Variants in ABCA7 observed in about 807,000 individuals in gnomAD.
The protein encoded by ABCA7 is phospholipid-transporting ATPase ABCA7.
ABCA7 carries 261 observed loss-of-function variants against 227.6 expected under a neutral mutation model. That is an observed-to-expected ratio of 1.15 (90% CI 1.04 to 1.27). ABCA7 has a LOEUF of 1.27. Ranked by LOEUF, ABCA7 falls within the 50% of genes most tolerant of loss-of-function variation. The pLI is 0.00. For synonymous variants in ABCA7, 1,488 were observed against 1,279.7 expected (o/e 1.16, Z -3.47); for missense variants, 3,331 against 2,924.5 (o/e 1.14, Z -3.21).
At chr19:1,049,053 TC>T (rs762340515) in intron 17 of ABCA7, 48 bp downstream of exon 17, 8 of 1,090,014 alleles carry the variant, frequency 7.3e-6, no homozygotes, top group Admixed American at 5.1e-5. Flanking sequence ...TATGCCCAGT[TC>T]CCCCCCAAAA....
At chr19:1,058,423 G>T (rs181122945) in intron 37 of ABCA7, among the ~76,000 whole-genome samples, 154 bp downstream of exon 37, 1 of 152,190 alleles carries the variant, frequency 6.6e-6, no homozygotes, top group East Asian at 1.9e-4. Flanking sequence ...GGAGGTACAA[G>T]AAAGCAGCCA....
intron 40 of ABCA7, among the ~76,000 whole-genome samples, chr19:1,060,041 G>A (rs531328546): frequency 1.3e-5 from 2 of 152,034 alleles, no homozygotes; most frequent in African/African-American, 4.8e-5. Context: ...TCAAGCACTT[G>A]CTCACAGCCA....
chr19:1,047,403 G>T, intron 15 of ABCA7, 25 bp downstream of exon 15: 1 of 1,550,276 alleles, frequency 6.5e-7, no homozygotes. Flanking sequence ...GGGCGTGGAT[G>T]GGGGACGCCC....
chr19:1,047,388 G>C lies in ABCA7; in HGVS notation c.2067+10G>C. 1.3e-6 allele frequency: 2 copies of C among 1,559,630 alleles called. No individual in the cohort carries two copies. Among genetic ancestry groups the C allele is most frequent in the Non-Finnish European group, 1.7e-6 (2 of 1,159,024 alleles). ...TGGCCGCGTGGCCGCGGTGAGAGCC[G>C]GGTCGGGCGTGGATGGGGGACGCCC... On this transcript the variant is annotated intron_variant, in intron 15 of 46. Coordinates refer to ENST00000263094, the MANE Select transcript of ABCA7 (RefSeq NM_019112.4).
At chr19:1,048,825 AAAAC>A in intron 16 of ABCA7, 66 bp from the exon 17 acceptor site, 1 of 857,396 alleles carries the variant, frequency 1.2e-6, no homozygotes, top group African/African-American at 2.9e-5. Flanking sequence ...AAAAAAAAAC[AAAAC>A]CCCAAAAAAA....
Position 1,056,519 on chromosome 19 carries a change from A to G in ABCA7, c.4586+20A>G. 6.2e-7 allele frequency: 1 copy of G among 1,603,756 alleles called. No homozygotes were observed. Among genetic ancestry groups the G allele is most frequent in the Non-Finnish European group, 8.5e-7 (1 of 1,174,856 alleles). On this transcript the variant is annotated intron_variant, in intron 33 of 46. Coordinates refer to ENST00000263094, the MANE Select transcript of ABCA7 (RefSeq NM_019112.4). This position sits in a 1 kb window ranked among gnomAD's most constrained non-coding sequence, Gnocchi z 4.3. Reference sequence around the variant, plus strand: ...TGCACTGTGAGTCCCTCCACCCTGCATGTCCTACCCTGCACGTCCTACCCT... The same window carrying G: ...TGCACTGTGAGTCCCTCCACCCTGCGTGTCCTACCCTGCACGTCCTACCCT...
chr19:1,044,944 G>C, intron 11 of ABCA7, 58 bp from the exon 12 acceptor site: 1 of 1,581,786 alleles, frequency 6.3e-7, no homozygotes. Context: ...GGGAGGAGCG[G>C]AGTGGTCTAG....
intron 15 of ABCA7, 27 bp from the exon 16 acceptor site, chr19:1,047,426 G>C: frequency 1.3e-6 from 2 of 1,537,868 alleles, no homozygotes; most frequent in Non-Finnish European, 1.7e-6. Flanking sequence ...CGCTTCGGCC[G>C]CTCACTGACC....
chr19:1,051,525 G>T lies in ABCA7; in HGVS notation c.2901G>T (p.Thr967=). 1 of 1,612,678 alleles carries T rather than the reference G, an allele frequency of 6.2e-7. No individual in the cohort carries two copies. Among genetic ancestry groups the T allele is most frequent in the Non-Finnish European group, 8.5e-7 (1 of 1,179,930 alleles). The part of the protein sequence containing the change: ...GSQVVILDEP[T]AGVDPASRRG... ...AAGTTGTTATCCTGGACGAGCCTAC[G>T]GCTGGCGTGGATCCTGCTTCCCGCC... The change falls in exon 21 of 47, where the codon ACG becomes ACT. Residue 967 remains threonine, a synonymous_variant. Transcript: ENST00000263094.
intron 40 of ABCA7, among the ~76,000 whole-genome samples, chr19:1,061,217 C>A (rs2042630427): frequency 6.6e-6 from 1 of 150,894 alleles, no homozygotes; most frequent in African/African-American, 2.4e-5. Context: ...GCCAACATGC[C>A]AAAACCCCGT....
Position 1,056,022 on chromosome 19 carries a change from C to T in ABCA7, c.4239-44C>T, listed in dbSNP as rs1344259558. 2 of 1,558,994 alleles carry T rather than the reference C, an allele frequency of 1.3e-6. No individual in the cohort carries two copies. On this transcript the variant is annotated intron_variant, in intron 31 of 46. Coordinates refer to ENST00000263094, the MANE Select transcript of ABCA7 (RefSeq NM_019112.4). This position sits in a 1 kb window ranked among gnomAD's most constrained non-coding sequence, Gnocchi z 4.3. The stretch of plus-strand genomic sequence containing the variant: ...CTGCCCCCTGGGAGCTCTCCCGGCC[C>T]CCCCGGCCCTCAGCTCCCCTTCCCT...
chr19:1,054,812 G>A lies in ABCA7; in HGVS notation c.3884G>A (p.Arg1295Gln), dbSNP rs374965623. ...GCCCCAGGGGACCCTGGACGTGCCC[G>A]GCTGCTCGAGGCGCTGCTGCAGGAG... is the stretch of plus-strand genomic sequence containing the variant. Reference protein sequence around the residue: ...EDAPGDPGRARLLEALLQEAG... With the variant: ...EDAPGDPGRAQLLEALLQEAG... Residue 1295 changes from arginine to glutamine, a missense_variant, in exon 29 of 47, where the codon CGG becomes CAG. Transcript: ENST00000263094. The surrounding 1 kb of genome is among the most constrained non-coding windows in gnomAD (Gnocchi z 4.8). 18 of 1,580,380 alleles carry A rather than the reference G, an allele frequency of 1.1e-5. No homozygotes were observed. In the African/African-American group the frequency reaches 1.2e-4, roughly 11 times the overall value.
In ABCA7 at chr19:1,041,867, C is replaced by G; in HGVS notation, c.197C>G (p.Thr66Ser). ...AACAAGCCACTGCCATCGGCGGGCACCGTGCCCTGGCTCCAGGGTCTCATC... is the reference window on the plus strand; with the variant it reads ...AACAAGCCACTGCCATCGGCGGGCAGCGTGCCCTGGCTCCAGGGTCTCATC... Reference protein sequence around the residue: ...FPNKPLPSAGTVPWLQGLICN... With the variant: ...FPNKPLPSAGSVPWLQGLICN... The change falls in exon 4 of 47, where the codon ACC (threonine) becomes AGC (serine). Residue 66 changes from threonine (T) to serine (S), a missense_variant. Physicochemically the swap from Thr to Ser is moderately conservative, Grantham distance 58. Coordinates refer to ENST00000263094, the MANE Select transcript of ABCA7 (RefSeq NM_019112.4). 6.3e-7 allele frequency: 1 copy of G among 1,597,662 alleles called. No individual in the cohort carries two copies. The highest frequency in any genetic ancestry group is 8.5e-7 in the Non-Finnish European group (1 of 1,176,908).
chr19:1,054,747 C>T lies in ABCA7; in HGVS notation c.3852-33C>T, dbSNP rs1599676280. 1.2e-6 allele frequency: 2 copies of T among 1,606,908 alleles called. No homozygotes were observed. The highest frequency in any genetic ancestry group is 8.5e-7 in the Non-Finnish European group (1 of 1,175,418). On this transcript the variant is annotated intron_variant, in intron 28 of 46. Transcript: ENST00000263094. The surrounding 1 kb of genome is among the most constrained non-coding windows in gnomAD (Gnocchi z 4.8). ...CAGGAAGACTAGGGACCTGGGGGTACAGCCCTGACCCTACATCTCCCCTCA... is the reference window on the plus strand; with the variant it reads ...CAGGAAGACTAGGGACCTGGGGGTATAGCCCTGACCCTACATCTCCCCTCA...
chr19:1,063,963 C>T (rs2042861875), intron 44 of ABCA7, 100 bp downstream of exon 44: 5 of 1,422,540 alleles, frequency 3.5e-6, no homozygotes, highest in South Asian at 1.4e-5. Context: ...GGTCCTGGCC[C>T]TAGTGGGGCG....
intron 25 of ABCA7, 78 bp from the exon 26 acceptor site, chr19:1,053,928 G>A: frequency 1.2e-6 from 2 of 1,600,460 alleles, no homozygotes; most frequent in Non-Finnish European, 1.7e-6. Context: ...CCAAGGCATA[G>A]CCTTTACCCT....
chr19:1,043,680 C>A, intron 9 of ABCA7, 45 bp from the exon 10 acceptor site: 4 of 1,600,164 alleles, frequency 2.5e-6, no homozygotes, highest in Non-Finnish European at 3.4e-6. Context: ...GGCAGGGGTC[C>A]TCAGAGGAGG....
intron 13 of ABCA7, 103 bp downstream of exon 13, chr19:1,046,509 G>T: frequency 6.9e-7 from 1 of 1,459,806 alleles, no homozygotes; most frequent in Non-Finnish European, 9.1e-7. Flanking sequence ...TCCAGGCTGC[G>T]AACTTTGCAC....
At position 1,057,976 on chromosome 19, in the gene ABCA7, T is replaced by C. The variant is rs371036349; in HGVS notation, c.4942T>C (p.Tyr1648His). Reference sequence around the variant, plus strand: ...CTTCTTCTCCGTGCCCAGCACAGCCTATGTGGTGCTCACCTGCATAAACCT... The same window carrying C: ...CTTCTTCTCCGTGCCCAGCACAGCCCATGTGGTGCTCACCTGCATAAACCT... ...SFFFSVPSTA[Y>H]VVLTCINLFI... The change falls in exon 36 of 47, where the codon TAT becomes CAT. Residue 1648 changes from tyrosine (Y) to histidine (H), a missense_variant. Transcript: ENST00000263094. 5.6e-6 allele frequency: 9 copies of C among 1,613,916 alleles called. No individual in the cohort carries two copies. The highest frequency in any genetic ancestry group is 7.6e-6 in the Non-Finnish European group (9 of 1,180,006).
Sources: gnomAD v4.1 joint callset for allele counts (sites outside exome capture counted in the v4.1 genomes callset) on GRCh38, gnomAD v4.1.1 for gene constraint, Gnocchi (gnomAD v3.1) non-coding constraint, MANE v1.5 for transcripts, NCBI Gene and HGNC (gene_info 2026-07-23, HGNC 2026-07-21) for gene names.